CNTNAP2: variants seen among roughly 807,000 people sequenced by gnomAD.
The protein encoded by CNTNAP2 is contactin-associated protein-like 2.
A neutral mutation model predicts 155.2 loss-of-function variants in CNTNAP2; 98 were observed. The ratio of observed to expected loss-of-function variants is 0.63; its 90% CI spans 0.54 to 0.75. The LOEUF is 0.75. CNTNAP2 is among the 30% of genes least tolerant of loss of function. The probability of loss-of-function intolerance (pLI) is 0.00; values close to 1 mark genes in which losing one functional copy is unlikely to be tolerated. For missense variants in CNTNAP2, 1,727 were observed against 1,688.1 expected, an observed-to-expected ratio of 1.02 and a Z score of -0.40; for synonymous variants, 651 against 631.2, an observed-to-expected ratio of 1.03 and a Z score of -0.47.
chr7:147,305,923 T>G (rs532464535), intron 9 of CNTNAP2, among the ~76,000 whole-genome samples: 1 of 152,140 alleles, frequency 6.6e-6, no homozygotes, highest in African/African-American at 2.4e-5. Flanking sequence ...ATTCTCTGGC[T>G]TATAGATACC....
At chr7:147,476,860 G>A (rs1454639225) in intron 10 of CNTNAP2, among the ~76,000 whole-genome samples, 5 of 151,784 alleles carry the variant, frequency 3.3e-5, no homozygotes, top group Non-Finnish European at 5.9e-5. Context: ...CCTAGGAGGC[G>A]GAGGTTGCGG....
At position 148,100,243 on chromosome 7, in the gene CNTNAP2, T is replaced by A. The variant is rs899358525; in HGVS notation, c.2384-17875T>A. Among the ~76,000 whole-genome samples the A allele has an allele frequency of 2.6e-5, 4 of 152,068 alleles. No individual in the cohort carries two copies. In the East Asian group the frequency reaches 7.7e-4, roughly 29 times the overall value. ...CCTTCCTCTTTCCTTTTCCTTTTGT[T>A]CTGTCTAAACTCCTACAGAACAAAT... On this transcript the variant is annotated intron_variant, in intron 15 of 23. Coordinates refer to ENST00000361727, the MANE Select transcript of CNTNAP2 (RefSeq NM_014141.6).
chr7:146,748,143 C>CTTTTTTTTTTTTTTT (rs61495352), intron 1 of CNTNAP2, among the ~76,000 whole-genome samples: 71 of 97,938 alleles, frequency 7.2e-4, no homozygotes, highest in Non-Finnish European at 9.2e-4. Context: ...CTTTTCTTTT[C>CTTTTTTTTTTTTTTT]TTTTTTTTTT....
At chr7:148,224,765 G>T (rs1795816538) in intron 19 of CNTNAP2, among the ~76,000 whole-genome samples, 1 of 152,178 alleles carries the variant, frequency 6.6e-6, no homozygotes, top group African/African-American at 2.4e-5. Flanking sequence ...GGCTGGGGAG[G>T]CCTCAGGAAA....
At chr7:148,413,502 G>T (rs1414029061) in intron 23 of CNTNAP2, among the ~76,000 whole-genome samples, 1 of 143,368 alleles carries the variant, frequency 7.0e-6, no homozygotes, top group African/African-American at 2.6e-5. Context: ...GATAATGCTG[G>T]TCTCATAAAA....
chr7:146,227,224 G>C (rs868099130), intron 1 of CNTNAP2, among the ~76,000 whole-genome samples: 1 of 151,904 alleles, frequency 6.6e-6, no homozygotes, highest in African/African-American at 2.4e-5. Context: ...TCAGGACTTC[G>C]AGACCAGCCT....
At chr7:147,252,442 GT>G (rs1554458436) in intron 8 of CNTNAP2, among the ~76,000 whole-genome samples, 3 of 152,074 alleles carry the variant, frequency 2.0e-5, no homozygotes, top group Non-Finnish European at 4.4e-5. Flanking sequence ...TTTTTTCTCA[GT>G]TTCTAGTCTC....
intron 9 of CNTNAP2, among the ~76,000 whole-genome samples, chr7:147,385,544 A>C (rs1796610075): frequency 6.6e-6 from 1 of 152,252 alleles, no homozygotes; most frequent in Non-Finnish European, 1.5e-5. Flanking sequence ...ATGCAAGTCC[A>C]AAATCCAGCA....
intron 9 of CNTNAP2, among the ~76,000 whole-genome samples, chr7:147,311,693 G>T (rs777155960): frequency 4.7e-5 from 6 of 127,374 alleles, no homozygotes; most frequent in Admixed American, 8.1e-5. Flanking sequence ...TGACAAACCA[G>T]AAAGAAGTTT....
chr7:146,190,462 A>G (rs2116850868), intron 1 of CNTNAP2, among the ~76,000 whole-genome samples: 1 of 152,312 alleles, frequency 6.6e-6, no homozygotes, highest in East Asian at 1.9e-4. Context: ...GCTCTACCAC[A>G]TCAACAAACC....
chr7:147,842,718 A>G (rs1296956810), intron 13 of CNTNAP2, among the ~76,000 whole-genome samples: 34 of 95,154 alleles, frequency 3.6e-4, no homozygotes, highest in Admixed American at 3.2e-3. Context: ...CATTAGGTAT[A>G]TCTCCCAATG....
Position 148,359,125 on chromosome 7 carries a change from T to A in CNTNAP2, c.3476-24524T>A, listed in dbSNP as rs1798573869. On this transcript the variant is annotated intron_variant, in intron 21 of 23. Transcript: ENST00000361727. The stretch of plus-strand genomic sequence containing the variant: ...CATTGCGTTACAATTGCCTACAGTA[T>A]TGAGTACAATAACATGCTCTACAGA... Among the ~76,000 whole-genome samples the A allele has an allele frequency of 2.0e-5, 3 of 152,206 alleles. No homozygotes were observed. In the South Asian group the frequency reaches 6.2e-4, roughly 31 times the overall value.
chr7:147,124,290 T>C (rs1388209807), intron 6 of CNTNAP2, among the ~76,000 whole-genome samples: 1 of 152,194 alleles, frequency 6.6e-6, no homozygotes, highest in South Asian at 2.1e-4. Flanking sequence ...GAAGATGCAA[T>C]GTCCTGCTTC....
At position 146,832,718 on chromosome 7, in the gene CNTNAP2, G is replaced by T. The variant is rs534458194; in HGVS notation, c.209-6993G>T. On this transcript the variant is annotated intron_variant, in intron 2 of 23. Coordinates refer to ENST00000361727, the MANE Select transcript of CNTNAP2 (RefSeq NM_014141.6). The stretch of plus-strand genomic sequence containing the variant: ...GTCAACATGGAAATATTACCTTTTA[G>T]CTCACTAATTATTTCTTTTCAGGCT... Among the ~76,000 whole-genome samples the T allele has an allele frequency of 7.3e-5, 11 of 150,584 alleles. 1 individual carries two copies. The highest frequency in any genetic ancestry group is 2.4e-4 in the African/African-American group (10 of 41,038).
chr7:148,085,711 C>T (rs28605570), intron 15 of CNTNAP2, among the ~76,000 whole-genome samples: 82 of 152,156 alleles, frequency 5.4e-4, no homozygotes, highest in Admixed American at 1.3e-3. Context: ...TTCCTTCCTT[C>T]CTTCCTTCCT....
chr7:147,570,561 A>G (rs6962950), intron 12 of CNTNAP2, among the ~76,000 whole-genome samples: 68,159 of 152,090 alleles, frequency 0.45, 15,473 homozygotes, highest in East Asian at 0.61. Flanking sequence ...TAAAGATTGT[A>G]TATTTTATAC....
chr7:148,103,261 G>A (rs558309076), intron 15 of CNTNAP2, among the ~76,000 whole-genome samples: 1 of 151,490 alleles, frequency 6.6e-6, no homozygotes, highest in East Asian at 1.9e-4. Flanking sequence ...AGTGGAGGCA[G>A]GTTTGCCCTA....
chr7:146,440,860 A>G (rs774582386), intron 1 of CNTNAP2, among the ~76,000 whole-genome samples: 11 of 151,576 alleles, frequency 7.3e-5, no homozygotes, highest in Non-Finnish European at 1.5e-4. Context: ...GAAAAACCTA[A>G]TATTAGAATT....
In CNTNAP2 at chr7:146,483,274, T is replaced by TAAA. The variant is rs1172354064; in HGVS notation, c.98-290990_98-290988dup. ...CTGGGCAACAGAGCAAGACTCCGTC[T>TAAA]AAAAAAAAATATATATATATATATA... On this transcript the variant is annotated intron_variant, in intron 1 of 23. Transcript: ENST00000361727. 7.0e-3 allele frequency among the ~76,000 whole-genome samples: 284 copies of TAAA among 40,800 alleles called. 11 individuals carry two copies. Among genetic ancestry groups the TAAA allele is most frequent in the South Asian group, 0.014 (13 of 910 alleles). The allele number at this position is 40,800 out of a possible 152,430, so 26.8% of individuals were successfully genotyped here.
Sources: allele counts gnomAD v4.1 joint callset (sites outside exome capture counted in the v4.1 genomes callset), GRCh38; gene constraint gnomAD v4.1.1; transcripts MANE v1.5; gene names NCBI Gene and HGNC (gene_info 2026-07-23, HGNC 2026-07-21).